The following MAP3K7 variants were observed in gnomAD, a reference collection of about 807,000 sequenced individuals.
The protein encoded by MAP3K7 is TGF-beta activated kinase 1.
A neutral mutation model predicts 84.8 loss-of-function variants in MAP3K7; 21 were observed. That is an observed-to-expected ratio of 0.25 (90% CI 0.18 to 0.36). MAP3K7 has a LOEUF of 0.36. Ranked by LOEUF, MAP3K7 falls within the 10% of genes least tolerant of loss-of-function variation. MAP3K7 has a pLI of 1.00. For synonymous variants in MAP3K7, 241 were observed against 247.7 expected, an observed-to-expected ratio of 0.97 and a Z score of 0.25; for missense variants, 503 against 747.7, an observed-to-expected ratio of 0.67 and a Z score of 3.82.
At chr6:90,525,666 C>T (rs1171024909) in intron 13 of MAP3K7, among the ~76,000 whole-genome samples, 1 of 152,098 alleles carries the variant, frequency 6.6e-6, no homozygotes, top group African/African-American at 2.4e-5. Flanking sequence ...CTCCTGGGCT[C>T]AAGCGATCCT....
chr6:90,568,849 T>A (rs1179750392), intron 2 of MAP3K7, among the ~76,000 whole-genome samples: 1 of 152,120 alleles, frequency 6.6e-6, no homozygotes, highest in East Asian at 1.9e-4. Context: ...GCTGGAGAGA[T>A]AGACATCTAA....
intron 1 of MAP3K7, 152 bp downstream of exon 1, chr6:90,586,612 C>T (rs1777465866): frequency 2.1e-5 from 21 of 1,015,090 alleles, no homozygotes; most frequent in Non-Finnish European, 2.5e-5. Context: ...ACCCCCACTC[C>T]CACGTTACTG....
chr6:90,566,923 T>C (rs994290675), intron 3 of MAP3K7, among the ~76,000 whole-genome samples: 7 of 152,074 alleles, frequency 4.6e-5, no homozygotes, highest in Admixed American at 1.3e-4. Context: ...TCTACAACCA[T>C]CTGATCTTTG....
intron 16 of MAP3K7, 113 bp from the exon 17 acceptor site, chr6:90,516,794 C>A: frequency 1.3e-6 from 1 of 754,828 alleles, no homozygotes; most frequent in Non-Finnish European, 2.1e-6. Context: ...CATTTTGCAT[C>A]TTAGGTACAC....
chr6:90,539,588 A>C (rs1452333037), intron 12 of MAP3K7, among the ~76,000 whole-genome samples: 1 of 151,830 alleles, frequency 6.6e-6, no homozygotes, highest in African/African-American at 2.4e-5. Flanking sequence ...ATATTTAATA[A>C]CTTACATGCT....
At chr6:90,568,691 A>C in intron 2 of MAP3K7, 68 bp from the exon 3 acceptor site, 1 of 1,129,580 alleles carries the variant, frequency 8.9e-7, no homozygotes, top group Non-Finnish European at 1.3e-6. Context: ...CAGTATCATT[A>C]AAATCTTACT....
At chr6:90,584,534 T>C (rs544021978) in intron 1 of MAP3K7, among the ~76,000 whole-genome samples, 152 of 152,110 alleles carry the variant, frequency 1.0e-3, no homozygotes, top group South Asian at 9.5e-3. Flanking sequence ...TGAAACATTA[T>C]CTAAACTGAG....
At position 90,568,600 on chromosome 6, in the gene MAP3K7, G is replaced by C; in HGVS notation, c.255C>G (p.Asn85Lys). ...IVELRQLSRV[N>K]HPNIVKLYGA... ...CATAAAGCTTTACAATATTAGGATGGTTCACACGGGATAACTGCCGAAGCT... is the reference window on the plus strand; with the variant it reads ...CATAAAGCTTTACAATATTAGGATGCTTCACACGGGATAACTGCCGAAGCT... Residue 85 changes from asparagine to lysine, a missense_variant, in exon 3 of 17, where the codon AAC (asparagine) becomes AAG (lysine). By Grantham distance (94) the Asn-to-Lys change is moderately conservative (BLOSUM62 0). This residue lies in a region of MAP3K7 where 97 missense variants were observed against 270.8 expected (regional missense o/e 0.36). Transcript: ENST00000369329. The C allele has an allele frequency of 6.2e-7, 1 of 1,608,796 alleles. No individual in the cohort carries two copies. The highest frequency in any genetic ancestry group is 1.1e-5 in the South Asian group (1 of 89,386).
rs759134192 is a variant in MAP3K7 at position 90,548,119 on chromosome 6, C to T, written c.1008G>A (p.Glu336=). 6.2e-7 allele frequency: 1 copy of T among 1,612,258 alleles called. No homozygotes were observed. Among genetic ancestry groups the T allele is most frequent in the Non-Finnish European group, 8.5e-7 (1 of 1,178,992 alleles). The part of the protein sequence containing the change: ...NTSNKSDTNM[E]QVPATNDTIK... ...TAGTATCATTTGTGGCAGGAACTTGCTCCATATTAGTGTCACTTTTGTTAC... is the reference window on the plus strand; with the variant it reads ...TAGTATCATTTGTGGCAGGAACTTGTTCCATATTAGTGTCACTTTTGTTAC... The change falls in exon 10 of 17, where the codon GAG becomes GAA. Residue 336 remains glutamate, a synonymous_variant. Transcript: ENST00000369329.
chr6:90,571,665 A>T, intron 2 of MAP3K7, 32 bp downstream of exon 2: 1 of 1,316,440 alleles, frequency 7.6e-7, no homozygotes, highest in African/African-American at 1.5e-5. Context: ...TTAAGTGCAG[A>T]ACTACACAAA....
intron 1 of MAP3K7, among the ~76,000 whole-genome samples, chr6:90,579,565 C>G (rs938113622): frequency 6.6e-6 from 1 of 152,178 alleles, no homozygotes; most frequent in Admixed American, 6.5e-5. Flanking sequence ...ACTAAGGGGT[C>G]CTACAGGCTT....
intron 12 of MAP3K7, chr6:90,537,109 T>C (rs1017102789): frequency 2.0e-5 from 3 of 152,074 alleles, no homozygotes; most frequent in African/African-American, 7.2e-5. Context: ...TCTACACATA[T>C]AAGTCCTCAG....
chr6:90,572,981 AG>A (rs1776956246), intron 1 of MAP3K7, among the ~76,000 whole-genome samples: 1 of 152,176 alleles, frequency 6.6e-6, no homozygotes, highest in Admixed American at 6.5e-5. Flanking sequence ...CTTTTTCTTT[AG>A]CAAAAAATCT....
At chr6:90,571,592 G>A (rs1776901979) in intron 2 of MAP3K7, 105 bp downstream of exon 2, 2 of 568,162 alleles carry the variant, frequency 3.5e-6, no homozygotes, top group African/African-American at 3.9e-5. Context: ...TGATGTTCAT[G>A]TATACAAAGA....
chr6:90,576,283 C>T (rs947952381), intron 1 of MAP3K7, among the ~76,000 whole-genome samples: 7 of 151,726 alleles, frequency 4.6e-5, no homozygotes, highest in African/African-American at 7.3e-5. Context: ...ATTAACGGGG[C>T]GTGGTGGCAG....
At chr6:90,552,003 TATTAA>T (rs1485271039) in intron 8 of MAP3K7, 41 bp downstream of exon 8, 1 of 1,565,652 alleles carries the variant, frequency 6.4e-7, no homozygotes, top group East Asian at 2.3e-5. Context: ...ACTCAGCACA[TATTAA>T]ATTCCCCTAA....
chr6:90,521,257 CGTGTGT>C (rs59945419), intron 14 of MAP3K7, among the ~76,000 whole-genome samples: 97,128 of 148,480 alleles, frequency 0.65, 31,610 homozygotes, highest in Middle Eastern at 0.76. Flanking sequence ...AAGTTTTTTG[CGTGTGT>C]GTGTGTGTGT....
chr6:90,546,928 C>A (rs1054797783), intron 11 of MAP3K7, among the ~76,000 whole-genome samples: 1 of 151,892 alleles, frequency 6.6e-6, no homozygotes, highest in Non-Finnish European at 1.5e-5. Context: ...CACTGAAAAT[C>A]CCCAAAATAT....
At chr6:90,519,939 C>T (rs564929371) in intron 14 of MAP3K7, among the ~76,000 whole-genome samples, 1 of 152,098 alleles carries the variant, frequency 6.6e-6, no homozygotes, top group African/African-American at 2.4e-5. Flanking sequence ...AAACCTGTGG[C>T]TCAATGTCAT....
Sources: gnomAD v4.1 joint callset for allele counts (sites outside exome capture counted in the v4.1 genomes callset) on GRCh38, gnomAD v4.1.1 for gene constraint, gnomAD v4.1.1 regional missense constraint, MANE v1.5 for transcripts, NCBI Gene and HGNC (gene_info 2026-07-23, HGNC 2026-07-21) for gene names.